ACAA2: variants seen among roughly 807,000 people sequenced by gnomAD.
The protein encoded by ACAA2 is 3-ketoacyl-CoA thiolase, mitochondrial.
Under a neutral mutation model 44.8 loss-of-function variants are expected in ACAA2, and 35 were observed. The observed-to-expected ratio is 0.78, with a 90% CI of 0.60 to 1.04. ACAA2 has a LOEUF of 1.04. ACAA2 is among the 50% of genes least tolerant of loss of function. The pLI is 0.00. For missense variants in ACAA2, 468 were observed against 482.6 expected, an observed-to-expected ratio of 0.97 and a Z score of 0.28; for synonymous variants, 142 against 166.5, an observed-to-expected ratio of 0.85 and a Z score of 1.13.
chr18:49,805,231 G>A lies in ACAA2; in HGVS notation c.17-2378C>T, dbSNP rs149116324. On this transcript the variant is annotated intron_variant, in intron 1 of 9. Transcript: ENST00000285093. ...GCATTATACCACTACTGGTATCTAAGTATAATCTTCCAGTTTATGATCTCT... is the reference window on the plus strand; with the variant it reads ...GCATTATACCACTACTGGTATCTAAATATAATCTTCCAGTTTATGATCTCT... Among the ~76,000 whole-genome samples, 288 of 152,284 alleles carry A rather than the reference G, an allele frequency of 1.9e-3. 1 individual carries two copies. The highest frequency in any genetic ancestry group is 3.2e-3 in the Non-Finnish European group (221 of 68,016).
At chr18:49,800,924 C>T (rs2156555) in intron 2 of ACAA2, among the ~76,000 whole-genome samples, 10,260 of 149,266 alleles carry the variant, frequency 0.069, 837 homozygotes, top group East Asian at 0.29. Flanking sequence ...CAGCTATCAT[C>T]ATATGTAAAG....
intron 7 of ACAA2, among the ~76,000 whole-genome samples, chr18:49,790,717 A>T (rs1247168354): frequency 1.3e-5 from 2 of 152,172 alleles, no homozygotes; most frequent in Admixed American, 1.3e-4. Context: ...TCCAGCAAAA[A>T]GCTCTTTGTT....
intron 1 of ACAA2, among the ~76,000 whole-genome samples, chr18:49,803,198 T>C (rs1220345656): frequency 1.3e-5 from 2 of 150,108 alleles, no homozygotes; most frequent in Admixed American, 6.6e-5. Context: ...GTAAGATAAA[T>C]AGCCAGATGG....
chr18:49,800,301 C>A (rs1445419073), intron 2 of ACAA2, among the ~76,000 whole-genome samples: 2 of 149,676 alleles, frequency 1.3e-5, no homozygotes, highest in Admixed American at 6.6e-5. Context: ...CCCGGCCAGC[C>A]GCCCCGTCCG....
intron 7 of ACAA2, among the ~76,000 whole-genome samples, chr18:49,788,492 G>T (rs2023360404): frequency 6.6e-6 from 1 of 152,212 alleles, no homozygotes; most frequent in Non-Finnish European, 1.5e-5. Flanking sequence ...AATTTAAAAT[G>T]CCAGTTTCAT....
chr18:49,810,261 C>T lies in ACAA2; in HGVS notation c.16+3208G>A, dbSNP rs192105433. On this transcript the variant is annotated intron_variant, in intron 1 of 9. Transcript: ENST00000285093. ...ACACCACACGTAACACTCCACACCCCGTTCTCCTGCAGCTTGGCACATCAT... is the reference window on the plus strand; with the variant it reads ...ACACCACACGTAACACTCCACACCCTGTTCTCCTGCAGCTTGGCACATCAT... Among the ~76,000 whole-genome samples, 135 of 152,284 alleles carry T rather than the reference C, an allele frequency of 8.9e-4. 1 individual carries two copies. Among genetic ancestry groups the T allele is most frequent in the Middle Eastern group, 3.4e-3 (1 of 294 alleles).
intron 1 of ACAA2, chr18:49,811,297 T>TA (rs1191275437): frequency 6.6e-6 from 1 of 152,154 alleles, no homozygotes; most frequent in Non-Finnish European, 1.5e-5. Flanking sequence ...AATATTCACT[T>TA]AGAGCAACTT....
intron 1 of ACAA2, among the ~76,000 whole-genome samples, chr18:49,808,555 G>A (rs1414876717): frequency 2.0e-5 from 3 of 152,154 alleles, no homozygotes; most frequent in African/African-American, 7.2e-5. Context: ...TTTTACAGCT[G>A]GGCCGCCGGG....
intron 9 of ACAA2, 94 bp downstream of exon 9, chr18:49,785,103 G>C: frequency 6.9e-7 from 1 of 1,440,784 alleles, no homozygotes; most frequent in South Asian, 1.4e-5. Context: ...ACATGAAGAA[G>C]AATGAAAAAT....
At chr18:49,787,539 A>C (rs2023347774) in intron 7 of ACAA2, among the ~76,000 whole-genome samples, 178 bp from the exon 8 acceptor site, 2 of 152,156 alleles carry the variant, frequency 1.3e-5, no homozygotes, top group South Asian at 4.2e-4. Context: ...GAGGCAGAAA[A>C]AGGGCCCAGG....
rs35932656 is a variant in ACAA2 at position 49,787,260 on chromosome 18, TAAAAAAAAAA to T, written c.954+21_954+30del. The T allele has an allele frequency of 4.8e-4, 492 of 1,028,148 alleles. 2 individuals are homozygous for T. In the African/African-American group the frequency reaches 8.6e-3, roughly 18 times the overall value. The allele number at this position is 1,028,148 out of a possible 1,614,324, so 63.7% of individuals were successfully genotyped here. On this transcript the variant is annotated intron_variant, in intron 8 of 9. Coordinates refer to ENST00000285093, the MANE Select transcript of ACAA2 (RefSeq NM_006111.3). ...AAAGTACATGGTTTATTCATGTTGT[TAAAAAAAAAA>T]AAAAAAAAAAAAACACTTACCTCTA... is the stretch of plus-strand genomic sequence containing the variant.
At position 49,801,814 on chromosome 18, in the gene ACAA2, A is replaced by ATATATATATATC. The variant is rs1491158195; in HGVS notation, c.183+872_183+873insGATATATATATA. Among the ~76,000 whole-genome samples the ATATATATATATC allele has an allele frequency of 5.7e-4, 77 of 134,990 alleles. 1 individual carries two copies. Among genetic ancestry groups the ATATATATATATC allele is most frequent in the African/African-American group, 1.9e-3 (70 of 36,706 alleles). 88.6% of individuals were successfully genotyped at this position (134,990 alleles called of 152,430 possible). A position where few individuals can be genotyped will look rare whatever the true frequency, so the allele number is the denominator to read the frequency against. On this transcript the variant is annotated intron_variant, in intron 2 of 9. Coordinates refer to ENST00000285093, the MANE Select transcript of ACAA2 (RefSeq NM_006111.3). ...TATATATATATATATATATATATAT[A>ATATATATATATC]TCTTATCTTTTTCATTAGATTATTA... is the stretch of plus-strand genomic sequence containing the variant.
At chr18:49,787,454 G>GAAAT (rs1292238309) in intron 7 of ACAA2, 93 bp from the exon 8 acceptor site, 1 of 912,240 alleles carries the variant, frequency 1.1e-6, no homozygotes, top group African/African-American at 1.8e-5. Flanking sequence ...AAGTAAGGAA[G>GAAAT]AAATAATGCG....
chr18:49,789,113 G>A (rs2023368055), intron 7 of ACAA2, among the ~76,000 whole-genome samples: 1 of 152,134 alleles, frequency 6.6e-6, no homozygotes, highest in Non-Finnish European at 1.5e-5. Context: ...GGAGTTCCAG[G>A]GAGTGCTGTC....
intron 1 of ACAA2, among the ~76,000 whole-genome samples, chr18:49,803,613 G>A (rs2023581466): frequency 6.6e-6 from 1 of 152,140 alleles, no homozygotes; most frequent in African/African-American, 2.4e-5. Context: ...AGCCATTCTG[G>A]TTAGACAACT....
At chr18:49,812,043 G>A (rs979795720) in intron 1 of ACAA2, among the ~76,000 whole-genome samples, 1 of 152,162 alleles carries the variant, frequency 6.6e-6, no homozygotes, top group African/African-American at 2.4e-5. Context: ...GATAGCTCAT[G>A]ACAATGCACC....
Position 49,787,339 on chromosome 18 carries a change from C to T in ACAA2, c.906G>A (p.Gly302=). Residue 302 remains glycine (G), a synonymous_variant, in exon 8 of 10, where the codon GGG becomes GGA. Transcript: ENST00000285093. ...GACTCAGTCCTGCTTTCTTCAGTGC[C>T]CCACTGATAGCAGGGACAGGACCTA... The part of the protein sequence containing the change: ...MGIGPVPAIS[G]ALKKAGLSLK... The T allele has an allele frequency of 2.2e-5, 32 of 1,471,940 alleles. No individual in the cohort carries two copies. Among genetic ancestry groups the T allele is most frequent in the Non-Finnish European group, 2.6e-5 (29 of 1,113,006 alleles). The allele number at this position is 1,471,940 out of a possible 1,614,324, so 91.2% of individuals were successfully genotyped here.
At chr18:49,790,919 A>G (rs1437777890) in intron 7 of ACAA2, among the ~76,000 whole-genome samples, 1 of 152,228 alleles carries the variant, frequency 6.6e-6, no homozygotes, top group Non-Finnish European at 1.5e-5. Context: ...TTGATTTCAG[A>G]GAGACTTGGA....
At chr18:49,793,882 A>G (rs2023434302) in intron 5 of ACAA2, among the ~76,000 whole-genome samples, 1 of 152,060 alleles carries the variant, frequency 6.6e-6, no homozygotes, top group African/African-American at 2.4e-5. Context: ...TTCCAAATAC[A>G]TTACCCCTTC....
Sources: gnomAD v4.1 joint callset for allele counts (sites outside exome capture counted in the v4.1 genomes callset) on GRCh38, gnomAD v4.1.1 for gene constraint, MANE v1.5 for transcripts, NCBI Gene and HGNC (gene_info 2026-07-23, HGNC 2026-07-21) for gene names.